The following OSR1 variants were observed in gnomAD, a reference collection of about 807,000 sequenced individuals.
OSR1 encodes the protein protein odd-skipped-related 1.
In OSR1, 3 loss-of-function variants were observed where a neutral mutation model predicts 15.7. That is an observed-to-expected ratio of 0.19 (90% confidence interval 0.09 to 0.50). The LOEUF (loss-of-function observed/expected upper bound fraction) is 0.50. OSR1 is among the 20% of genes least tolerant of loss of function. OSR1 has a pLI of 0.97. For synonymous variants in OSR1, 166 were observed against 152.7 expected, an observed-to-expected ratio of 1.09 and a Z score of -0.64; for missense variants, 271 against 351.1, an observed-to-expected ratio of 0.77 and a Z score of 1.82.
At chr2:19,350,731 C>T (rs1255855684), downstream of OSR1, among the ~76,000 whole-genome samples, 1 of 151,958 alleles carries the variant, frequency 6.6e-6, no homozygotes, top group African/African-American at 2.4e-5. Flanking sequence ...ACTAGACACC[C>T]CAGGGAAGGT....
At chr2:19,348,650 A>C (rs1664781356), downstream of OSR1, 1 of 154,226 alleles carries the variant, frequency 6.5e-6, no homozygotes, top group African/African-American at 2.4e-5. Flanking sequence ...CAATGTGAGC[A>C]GTGAATTCCG....
chr2:19,351,268 A>C (rs1664833571), downstream of OSR1, among the ~76,000 whole-genome samples: 1 of 152,086 alleles, frequency 6.6e-6, no homozygotes, highest in Admixed American at 6.6e-5. Context: ...CCTATCCCTG[A>C]GGCGGAGGAG....
At chr2:19,349,794 C>T (rs1052950543), downstream of OSR1, among the ~76,000 whole-genome samples, 3 of 145,974 alleles carry the variant, frequency 2.1e-5, no homozygotes, top group African/African-American at 4.9e-5. Context: ...GGAAGGGCAC[C>T]CTGTGTGTGT....
At chr2:19,353,893 G>C in intron 1 of OSR1, 56 bp from the exon 2 acceptor site, 1 of 1,400,164 alleles carries the variant, frequency 7.1e-7, no homozygotes, top group South Asian at 1.4e-5. Context: ...GTTCAGGGTG[G>C]GTCGCCTTCC....
rs2103364633 is a variant in OSR1 at position 19,357,286 on chromosome 2, C to T, written c.-33+1055G>A. Among the ~76,000 whole-genome samples, 1 of 152,326 alleles carries T rather than the reference C, an allele frequency of 6.6e-6. No homozygotes were observed. Among genetic ancestry groups the T allele is most frequent in the Non-Finnish European group, 1.5e-5 (1 of 68,026 alleles). ...CTAGGGGGTTGTGAACCTGGGACAC[C>T]TAGCCTTGCACGTGGTTTTGTTCCG... is the stretch of plus-strand genomic sequence containing the variant. On this transcript the variant is annotated intron_variant, in intron 1 of 2. Transcript: ENST00000272223. The surrounding 1 kb of genome is among the most constrained non-coding windows in gnomAD (Gnocchi z 5.0).
At chr2:19,353,897 G>A in intron 1 of OSR1, 60 bp from the exon 2 acceptor site, 1 of 1,357,560 alleles carries the variant, frequency 7.4e-7, no homozygotes, top group Non-Finnish European at 9.9e-7. Flanking sequence ...AGGGTGGGTC[G>A]CCTTCCTCCT....
At position 19,353,352 on chromosome 2, in the gene OSR1, C is replaced by G; in HGVS notation, c.454G>C (p.Asp152His). The change falls in exon 2 of 3, where the codon GAC (aspartate) becomes CAC (histidine). Residue 152 changes from aspartate (D) to histidine (H), a missense_variant. Physicochemically the swap from Asp to His is moderately conservative, Grantham distance 81. Coordinates refer to ENST00000272223, the MANE Select transcript of OSR1 (RefSeq NM_145260.3). ...TTTTCTGGAGACAGCTTGGTCACGTCGAGGAGGGCACCCAGCCCACCTGCA... is the reference window on the plus strand; with the variant it reads ...TTTTCTGGAGACAGCTTGGTCACGTGGAGGAGGGCACCCAGCCCACCTGCA... ...SPAGGLGALL[D>H]VTKLSPEKKP... 6.2e-7 allele frequency: 1 copy of G among 1,614,226 alleles called. No individual in the cohort carries two copies. Among genetic ancestry groups the G allele is most frequent in the Non-Finnish European group, 8.5e-7 (1 of 1,180,022 alleles).
chr2:19,351,640 G>GC lies in OSR1; in HGVS notation c.*634dup, dbSNP rs1171827853. On this transcript the variant is annotated 3_prime_UTR_variant, in exon 3 of 3. Transcript: ENST00000272223. ...GCAGTGTCGCGGCAGCGGAGGCCGG[G>GC]CCCCCTGCAGACCCCAGGCCCGAGG... is the stretch of plus-strand genomic sequence containing the variant. The GC allele has an allele frequency of 6.6e-6, 1 of 152,650 alleles. No homozygotes were observed. The highest frequency in any genetic ancestry group is 1.5e-5 in the Non-Finnish European group (1 of 68,058). The allele number at this position is 152,650 out of a possible 1,614,324, so 9.5% of individuals were successfully genotyped here.
At chr2:19,349,756 T>C (rs916612059), downstream of OSR1, among the ~76,000 whole-genome samples, 1 of 152,038 alleles carries the variant, frequency 6.6e-6, no homozygotes, top group Non-Finnish European at 1.5e-5. Context: ...ACCCCAAGGA[T>C]AGCATCCCAG....
chr2:19,352,160 A>G lies in OSR1; in HGVS notation c.*115T>C. 6 of 1,217,210 alleles carry G rather than the reference A, an allele frequency of 4.9e-6. No homozygotes were observed. The highest frequency in any genetic ancestry group is 6.8e-6 in the Non-Finnish European group (6 of 883,600). The allele number at this position is 1,217,210 out of a possible 1,614,324, so 75.4% of individuals were successfully genotyped here. A position where few individuals can be genotyped will look rare whatever the true frequency, so the allele number is the denominator to read the frequency against. The stretch of plus-strand genomic sequence containing the variant: ...CCAGGGACCCAGGGGACAATGTTGG[A>G]GAGGTGGAAGGTCCCGAGCGAGCGC... On this transcript the variant is annotated 3_prime_UTR_variant, in exon 3 of 3. Coordinates refer to ENST00000272223, the MANE Select transcript of OSR1 (RefSeq NM_145260.3).
At chr2:19,352,831 A>C (rs1481561352) in intron 2 of OSR1, among the ~76,000 whole-genome samples, 1 of 152,210 alleles carries the variant, frequency 6.6e-6, no homozygotes, top group Non-Finnish European at 1.5e-5. Context: ...GACATTTCAA[A>C]TACTTAACTG....
At position 19,352,268 on chromosome 2, in the gene OSR1, G is replaced by A. The variant is rs377221183; in HGVS notation, c.*7C>T. On this transcript the variant is annotated 3_prime_UTR_variant, in exon 3 of 3. Transcript: ENST00000272223. Reference sequence around the variant, plus strand: ...GGCCTAGGGTCCTTGTGACCCACAGGTTCTATTTAGCATTTGATCTTGGAG... The same window carrying A: ...GGCCTAGGGTCCTTGTGACCCACAGATTCTATTTAGCATTTGATCTTGGAG... 33 of 1,614,080 alleles carry A rather than the reference G, an allele frequency of 2.0e-5. No homozygotes were observed. The highest frequency in any genetic ancestry group is 2.8e-5 in the Non-Finnish European group (33 of 1,179,934).
downstream of OSR1, among the ~76,000 whole-genome samples, chr2:19,347,088 G>A (rs1664745342): frequency 3.9e-5 from 6 of 152,182 alleles, no homozygotes; most frequent in South Asian, 1.2e-3. Flanking sequence ...CCAGTTCAGT[G>A]ATATTCTTCC....
intron 2 of OSR1, 83 bp downstream of exon 2, chr2:19,353,058 G>T: frequency 6.7e-7 from 1 of 1,492,012 alleles, no homozygotes; most frequent in Non-Finnish European, 9.1e-7. Flanking sequence ...GAGCCAGTAG[G>T]GGGTCTCAAG....
rs180817509 is a variant in OSR1, at chr2:19,357,177, A to G, written c.-33+1164T>C. On this transcript the variant is annotated intron_variant, in intron 1 of 2. Transcript: ENST00000272223. This position sits in a 1 kb window ranked among gnomAD's most constrained non-coding sequence, Gnocchi z 5.0. ...CGGTGATCCATTCCCCAATCTTAAT[A>G]AAACAGCAATTACCTCGAGGAGCCT... Among the ~76,000 whole-genome samples the G allele has an allele frequency of 1.5e-3, 236 of 152,280 alleles. 1 individual carries two copies. The highest frequency in any genetic ancestry group is 3.3e-3 in the Admixed American group (51 of 15,290).
Position 19,353,150 on chromosome 2 carries a change from C to T in OSR1, c.656G>A (p.Arg219Gln). The T allele has an allele frequency of 6.2e-7, 1 of 1,613,560 alleles. No individual in the cohort carries two copies. Among genetic ancestry groups the T allele is most frequent in the South Asian group, 1.1e-5 (1 of 91,070 alleles). The stretch of plus-strand genomic sequence containing the variant: ...ACCCGCAGTGCCGCACCTGTGGTCT[C>T]GCAGGTGGTCTTGCCTCCGGAAGGC... ...HKAFRRQDHLRDHRYIHSKEK... is the reference protein window; with the variant it reads ...HKAFRRQDHLQDHRYIHSKEK... Residue 219 changes from arginine (R) to glutamine (Q), a missense_variant, in exon 2 of 3, where the codon CGA becomes CAA. This residue lies in a region of OSR1 where 8 missense variants were observed against 41.5 expected (regional missense o/e 0.19). Coordinates refer to ENST00000272223, the MANE Select transcript of OSR1 (RefSeq NM_145260.3).
At chr2:19,345,738 A>G in the OSR1 span, among the ~76,000 whole-genome samples, 1 of 152,176 alleles carries the variant, frequency 6.6e-6, no homozygotes, top group Non-Finnish European at 1.5e-5. Context: ...TGGCTACAGC[A>G]CAACACATGC....
chr2:19,354,287 A>T (rs1351544787), intron 1 of OSR1: 2 of 158,314 alleles, frequency 1.3e-5, no homozygotes, highest in Admixed American at 1.2e-4. Context: ...GCACACGTGG[A>T]TTCAGACATT....
At chr2:19,349,338 A>G (rs1320637299), downstream of OSR1, among the ~76,000 whole-genome samples, 1 of 152,306 alleles carries the variant, frequency 6.6e-6, no homozygotes, top group East Asian at 1.9e-4. Context: ...ATGAATCACT[A>G]GAACAAGCTG....
Sources: gnomAD v4.1 joint callset for allele counts (sites outside exome capture counted in the v4.1 genomes callset) on GRCh38, gnomAD v4.1.1 for gene constraint, gnomAD v4.1.1 regional missense constraint, Gnocchi (gnomAD v3.1) non-coding constraint, MANE v1.5 for transcripts, NCBI Gene and HGNC (gene_info 2026-07-23, HGNC 2026-07-21) for gene names.